Variants in ABCA3 observed in about 807,000 individuals in gnomAD.
ABCA3 encodes the protein ATP binding cassette subfamily A member 3, also known as phospholipid-transporting ATPase ABCA3.
ABCA3 carries 88 observed loss-of-function variants against 172.8 expected under a neutral mutation model. The observed-to-expected ratio is 0.51, with a 90% CI of 0.43 to 0.61. The LOEUF (loss-of-function observed/expected upper bound fraction) is 0.61. Ranked by LOEUF, ABCA3 falls within the 20% of genes least tolerant of loss-of-function variation. ABCA3 has a pLI of 0.00. For synonymous variants in ABCA3, 1,066 were observed against 983.8 expected (o/e 1.08, Z -1.56); for missense variants, 2,164 against 2,301.0 (o/e 0.94, Z 1.22).
At chr16:2,301,058 G>A (rs576691909) in intron 12 of ABCA3, among the ~76,000 whole-genome samples, 28 of 150,978 alleles carry the variant, frequency 1.9e-4, no homozygotes, top group East Asian at 1.6e-3. Context: ...GTGAAACCCC[G>A]TCTCTACTAA....
intron 1 of ABCA3, among the ~76,000 whole-genome samples, chr16:2,340,118 C>T (rs1256656231): frequency 6.6e-6 from 1 of 152,238 alleles, no homozygotes; most frequent in East Asian, 1.9e-4. Context: ...CACCGCGCGC[C>T]CGGCATCCCT....
chr16:2,322,027 G>C (rs45579535), intron 7 of ABCA3, among the ~76,000 whole-genome samples: 1 of 151,920 alleles, frequency 6.6e-6, no homozygotes, highest in Non-Finnish European at 1.5e-5. Context: ...GTGAAACCCC[G>C]TCTCTACTAA....
In ABCA3 at chr16:2,289,637, A is replaced by G. The variant is rs370632801; in HGVS notation, c.2514-17T>C. 257 of 1,547,014 alleles carry G rather than the reference A, an allele frequency of 1.7e-4. No homozygotes were observed. The Middle Eastern group carries it at 4.7e-3, about 28-fold the overall frequency. Reference sequence around the variant, plus strand: ...TTCCCGACCCTGTGCCGATACACACAGGGACCGGTCAGGACCCAGCTCCCC... The same window carrying G: ...TTCCCGACCCTGTGCCGATACACACGGGGACCGGTCAGGACCCAGCTCCCC... On this transcript the variant is annotated splice_polypyrimidine_tract_variant and intron_variant, in intron 19 of 32. Coordinates refer to ENST00000301732, the MANE Select transcript of ABCA3 (RefSeq NM_001089.3).
rs546767864 is a variant in ABCA3, at chr16:2,289,088, T to A, written c.2700+346A>T. The stretch of plus-strand genomic sequence containing the variant: ...GCTCTGTGACTCTGTCACATCTGAC[T>A]TTGGCCCAGGCCTCGGTTTCCCATC... On this transcript the variant is annotated intron_variant, in intron 20 of 32. Transcript: ENST00000301732. The A allele has an allele frequency of 1.1e-4, 33 of 307,260 alleles. No homozygotes were observed. The South Asian group carries it at 1.4e-3, about 13-fold the overall frequency. The allele number at this position is 307,260 out of a possible 1,614,324, so 19.0% of individuals were successfully genotyped here.
At position 2,284,568 on chromosome 16, in the gene ABCA3, C is replaced by T; in HGVS notation, c.3704-131G>A. Reference sequence around the variant, plus strand: ...GTGAGGGGGCACCTCCCAGGGACGCCCCTGCCGGCTCTGCACAGGGCAAGG... The same window carrying T: ...GTGAGGGGGCACCTCCCAGGGACGCTCCTGCCGGCTCTGCACAGGGCAAGG... On this transcript the variant is annotated intron_variant, in intron 24 of 32. Coordinates refer to ENST00000301732, the MANE Select transcript of ABCA3 (RefSeq NM_001089.3). This position sits in a 1 kb window ranked among gnomAD's most constrained non-coding sequence, Gnocchi z 5.9. 7.1e-7 allele frequency: 1 copy of T among 1,410,070 alleles called. No individual in the cohort carries two copies. The highest frequency in any genetic ancestry group is 2.3e-5 in the East Asian group (1 of 42,964). The allele number at this position is 1,410,070 out of a possible 1,614,324, so 87.3% of individuals were successfully genotyped here.
chr16:2,314,852 C>T (rs2093712344), intron 10 of ABCA3, among the ~76,000 whole-genome samples: 1 of 147,228 alleles, frequency 6.8e-6, no homozygotes, highest in Admixed American at 6.9e-5. Flanking sequence ...GGATTACAGG[C>T]ATGAGCCATA....
chr16:2,319,931 A>T, intron 7 of ABCA3, 91 bp from the exon 8 acceptor site: 1 of 1,560,240 alleles, frequency 6.4e-7, no homozygotes, highest in Non-Finnish European at 8.7e-7. Flanking sequence ...GGGGGAAGAG[A>T]TGCTTGGGGC....
At position 2,278,281 on chromosome 16, in the gene ABCA3, G is replaced by GCTCT; in HGVS notation, c.4718+3_4718+6dup. The GCTCT allele has an allele frequency of 6.2e-7, 1 of 1,606,796 alleles. No homozygotes were observed. Among genetic ancestry groups the GCTCT allele is most frequent in the Admixed American group, 1.7e-5 (1 of 60,022 alleles). On this transcript the variant is annotated splice_region_variant and intron_variant, in intron 30 of 32. Transcript: ENST00000301732. The surrounding 1 kb of genome is among the most constrained non-coding windows in gnomAD (Gnocchi z 4.4). ...AACTTCCAGTAACCCACAGACCCAG[G>GCTCT]CTCTACCTGTGGGAGGTGATGATGA...
At chr16:2,292,091 T>A in intron 19 of ABCA3, 49 bp downstream of exon 19, 1 of 1,473,148 alleles carries the variant, frequency 6.8e-7, no homozygotes, top group Non-Finnish European at 9.5e-7. Context: ...AAAAGTCCTC[T>A]GCAGCACGGA....
At chr16:2,317,127 A>C (rs1239355382) in intron 10 of ABCA3, among the ~76,000 whole-genome samples, 156 bp downstream of exon 10, 1 of 152,110 alleles carries the variant, frequency 6.6e-6, no homozygotes, top group African/African-American at 2.4e-5. Context: ...AATTACGCTG[A>C]CTTTCCTCCT....
chr16:2,328,378 A>G, intron 3 of ABCA3, 75 bp downstream of exon 3: 6 of 400,840 alleles, frequency 1.5e-5, no homozygotes, highest in South Asian at 1.1e-4. Context: ...CAAATAAAGT[A>G]AGAAAAAGGA....
chr16:2,304,485 G>A (rs188268138), intron 11 of ABCA3, among the ~76,000 whole-genome samples: 1 of 149,064 alleles, frequency 6.7e-6, no homozygotes, highest in African/African-American at 2.5e-5. Context: ...GGGTCAATGT[G>A]CATTTAGCAT....
In ABCA3 at chr16:2,277,963, A is replaced by G. The variant is rs1397923607; in HGVS notation, c.4825T>C (p.Tyr1609His). The G allele has an allele frequency of 6.2e-7, 1 of 1,612,782 alleles. No individual in the cohort carries two copies. Among genetic ancestry groups the G allele is most frequent in the Admixed American group, 1.7e-5 (1 of 60,016 alleles). Residue 1609 changes from tyrosine (Y) to histidine (H), a missense_variant, in exon 31 of 33, where the codon TAC becomes CAC. Physicochemically the swap from Tyr to His is moderately conservative, Grantham distance 83 (BLOSUM62 2). Transcript: ENST00000301732. This position sits in a 1 kb window ranked among gnomAD's most constrained non-coding sequence, Gnocchi z 5.3. ...QHLKSKFGSG[Y>H]SLRAKVQSEG... ...CTCTGCACCTTGGCCCGCAGGGAGTAGCCGCTGCCGAACTTGCTCTTGAGG... is the reference window on the plus strand; with the variant it reads ...CTCTGCACCTTGGCCCGCAGGGAGTGGCCGCTGCCGAACTTGCTCTTGAGG...
At chr16:2,306,947 G>A (rs1338610604) in intron 11 of ABCA3, among the ~76,000 whole-genome samples, 3 of 150,050 alleles carry the variant, frequency 2.0e-5, no homozygotes, top group Non-Finnish European at 3.0e-5. Context: ...CCCGGGAGGC[G>A]GAGCTTGCAG....
At chr16:2,289,965 A>T (rs1205437071) in intron 19 of ABCA3, among the ~76,000 whole-genome samples, 8 of 88,528 alleles carry the variant, frequency 9.0e-5, no homozygotes, top group African/African-American at 1.8e-4. Context: ...ATTACATCAC[A>T]CACACACACA....
chr16:2,320,985 C>CTTTTTTTT (rs368507865), intron 7 of ABCA3, among the ~76,000 whole-genome samples: 1 of 136,014 alleles, frequency 7.4e-6, no homozygotes, highest in Non-Finnish European at 1.5e-5. Flanking sequence ...CTGCTATGTG[C>CTTTTTTTT]TTTTTTTTTT....
In ABCA3 at chr16:2,283,274, G is replaced by C; in HGVS notation, c.3947C>G (p.Ala1316Gly). ...FVASMAASGC[A>G]YLILLFLIET... ...GATGAGGAAGAGCAGGATGAGGTAGGCGCACCCTGAGGCGGCCATGGAGGC... is the reference window on the plus strand; with the variant it reads ...GATGAGGAAGAGCAGGATGAGGTAGCCGCACCCTGAGGCGGCCATGGAGGC... Residue 1316 changes from alanine (A) to glycine (G), a missense_variant, in exon 26 of 33, where the codon GCC (alanine) becomes GGC (glycine). Ala to Gly is a moderately conservative substitution (Grantham distance 60). Around this residue, in one of 3 missense-constraint regions of ABCA3, gnomAD observed 795 missense variants for 881.9 expected, o/e 0.90. Transcript: ENST00000301732. The surrounding 1 kb of genome is among the most constrained non-coding windows in gnomAD (Gnocchi z 5.4). 6.2e-7 allele frequency: 1 copy of C among 1,613,396 alleles called. No homozygotes were observed. Among genetic ancestry groups the C allele is most frequent in the Non-Finnish European group, 8.5e-7 (1 of 1,179,986 alleles).
rs773229094 is a variant in ABCA3, at chr16:2,297,286, A to G, written c.2263+43T>C. 10 of 1,598,368 alleles carry G rather than the reference A, an allele frequency of 6.3e-6. No homozygotes were observed. The East Asian group carries it at 2.2e-4, about 36-fold the overall frequency. The stretch of plus-strand genomic sequence containing the variant: ...GTAGCAGCCATTCCCTCAGCACGGC[A>G]GCCAGGACACCGACCCTGTCGCGGG... On this transcript the variant is annotated intron_variant, in intron 17 of 32. Transcript: ENST00000301732. The surrounding 1 kb of genome is among the most constrained non-coding windows in gnomAD (Gnocchi z 5.6).
Position 2,324,538 on chromosome 16 carries a change from A to G in ABCA3, c.320-7T>C, listed in dbSNP as rs760777880. On this transcript the variant is annotated splice_region_variant and splice_polypyrimidine_tract_variant and intron_variant, in intron 5 of 32. Coordinates refer to ENST00000301732, the MANE Select transcript of ABCA3 (RefSeq NM_001089.3). Reference sequence around the variant, plus strand: ...TCGGAGGGAAAGCCGCGCACTGCAAAGAGAGAGCACGGGAGCTGTGGTTGC... The same window carrying G: ...TCGGAGGGAAAGCCGCGCACTGCAAGGAGAGAGCACGGGAGCTGTGGTTGC... The G allele has an allele frequency of 1.2e-6, 2 of 1,608,730 alleles. No homozygotes were observed. Among genetic ancestry groups the G allele is most frequent in the East Asian group, 4.5e-5 (2 of 44,870 alleles).
Sources: gnomAD v4.1 joint callset for allele counts (sites outside exome capture counted in the v4.1 genomes callset) on GRCh38, gnomAD v4.1.1 for gene constraint, gnomAD v4.1.1 regional missense constraint, Gnocchi (gnomAD v3.1) non-coding constraint, MANE v1.5 for transcripts, NCBI Gene and HGNC (gene_info 2026-07-23, HGNC 2026-07-21) for gene names.